ADAMTS3: variants seen among roughly 807,000 people sequenced by gnomAD.
ADAMTS3 encodes the protein A disintegrin and metalloproteinase with thrombospondin motifs 3.
ADAMTS3 carries 73 observed loss-of-function variants against 129.0 expected under a neutral mutation model. The ratio of observed to expected loss-of-function variants is 0.57; its 90% CI spans 0.47 to 0.69. The LOEUF is 0.69. Ranked by LOEUF, ADAMTS3 falls within the 30% of genes least tolerant of loss-of-function variation. The pLI, the probability that ADAMTS3 is intolerant of heterozygous loss-of-function variation, is 0.00. For synonymous variants in ADAMTS3, 477 were observed against 510.8 expected (o/e 0.93, Z 0.89); for missense variants, 1,457 against 1,514.5 (o/e 0.96, Z 0.63).
rs188812259 is a variant in ADAMTS3, at chr4:72,362,915, C to T, written c.662-23222G>A. 3.2e-3 allele frequency among the ~76,000 whole-genome samples: 482 copies of T among 152,154 alleles called. 4 individuals are homozygous for T. Among genetic ancestry groups the T allele is most frequent in the Non-Finnish European group, 5.4e-3 (365 of 67,962 alleles). ...AAGAAGAGGGAGAAAAAAGATACTA[C>T]ACTAAAAATAAGATTAAACCAAACA... On this transcript the variant is annotated intron_variant, in intron 4 of 21. Coordinates refer to ENST00000286657, the MANE Select transcript of ADAMTS3 (RefSeq NM_014243.3).
chr4:72,539,962 A>C lies in ADAMTS3; in HGVS notation c.504+8516T>G, dbSNP rs551357374. On this transcript the variant is annotated intron_variant, in intron 3 of 21. Transcript: ENST00000286657. ...ATCAGCAGCGTGAAAATGGACTAAC[A>C]CAGTAAATTGGTACCAGTAGAATGA... 2.0e-5 allele frequency among the ~76,000 whole-genome samples: 3 copies of C among 152,286 alleles called. No homozygotes were observed. The South Asian group carries it at 6.2e-4, about 32-fold the overall frequency.
chr4:72,392,395 C>T (rs1189002586), intron 4 of ADAMTS3, among the ~76,000 whole-genome samples: 1 of 152,128 alleles, frequency 6.6e-6, no homozygotes, highest in Non-Finnish European at 1.5e-5. Context: ...CCACCCTATC[C>T]CATCACAAAC....
intron 4 of ADAMTS3, among the ~76,000 whole-genome samples, chr4:72,409,409 T>G (rs1419421952): frequency 6.6e-6 from 1 of 152,192 alleles, no homozygotes; most frequent in Non-Finnish European, 1.5e-5. Flanking sequence ...CCCTGATGTA[T>G]GTTTACTGCC....
At chr4:72,404,110 A>T (rs936001869) in intron 4 of ADAMTS3, among the ~76,000 whole-genome samples, 12 of 152,150 alleles carry the variant, frequency 7.9e-5, no homozygotes, top group Admixed American at 7.2e-4. Context: ...TGACCTACAG[A>T]TTCTATGCAA....
chr4:72,362,153 G>A (rs1471502590), intron 4 of ADAMTS3, among the ~76,000 whole-genome samples: 9 of 17,412 alleles, frequency 5.2e-4, no homozygotes, highest in South Asian at 4.5e-3. Context: ...GACAGACTTC[G>A]TCTTTCTACT....
intron 3 of ADAMTS3, among the ~76,000 whole-genome samples, chr4:72,445,642 TG>T (rs1490608059): frequency 3.3e-5 from 5 of 151,832 alleles, no homozygotes; most frequent in East Asian, 2.0e-4. Flanking sequence ...GCTAAACAAA[TG>T]TATATGTACA....
At chr4:72,446,296 C>A (rs929221493) in intron 3 of ADAMTS3, among the ~76,000 whole-genome samples, 3 of 151,588 alleles carry the variant, frequency 2.0e-5, no homozygotes, top group African/African-American at 4.8e-5. Flanking sequence ...GTCAAGTTCC[C>A]CTCAGATCTC....
At chr4:72,476,278 GA>G (rs1171511911) in intron 3 of ADAMTS3, among the ~76,000 whole-genome samples, 3 of 151,878 alleles carry the variant, frequency 2.0e-5, no homozygotes, top group African/African-American at 7.2e-5. Context: ...TATCAGAAAT[GA>G]AATAGATTCA....
chr4:72,396,453 A>T (rs1721727039), intron 4 of ADAMTS3, among the ~76,000 whole-genome samples: 1 of 152,136 alleles, frequency 6.6e-6, no homozygotes, highest in Non-Finnish European at 1.5e-5. Context: ...CAGGAAAAAA[A>T]CTTTCAGAGA....
intron 5 of ADAMTS3, among the ~76,000 whole-genome samples, chr4:72,333,051 A>G (rs536796111): frequency 9.2e-5 from 14 of 152,250 alleles, no homozygotes; most frequent in African/African-American, 3.4e-4. Flanking sequence ...TGGGAACATC[A>G]CCTAACTTCT....
At chr4:72,488,012 G>A (rs1466186538) in intron 3 of ADAMTS3, among the ~76,000 whole-genome samples, 1 of 151,866 alleles carries the variant, frequency 6.6e-6, no homozygotes, top group Non-Finnish European at 1.5e-5. Context: ...CCCAAATATT[G>A]TGCACTTTGG....
chr4:72,395,744 A>G (rs777605776), intron 4 of ADAMTS3, among the ~76,000 whole-genome samples: 2 of 152,204 alleles, frequency 1.3e-5, no homozygotes, highest in Non-Finnish European at 2.9e-5. Flanking sequence ...TTGAAAATTT[A>G]TAGCTCCATG....
intron 4 of ADAMTS3, among the ~76,000 whole-genome samples, chr4:72,395,126 T>C (rs1003232984): frequency 6.6e-6 from 1 of 152,186 alleles, no homozygotes; most frequent in African/African-American, 2.4e-5. Flanking sequence ...GGTTTCACCA[T>C]GTCGATCAGG....
In ADAMTS3 at chr4:72,320,805, G is replaced by C. The variant is rs1578579874; in HGVS notation, c.1011C>G (p.Ser337=). 1.2e-6 allele frequency: 2 copies of C among 1,613,942 alleles called. No individual in the cohort carries two copies. The highest frequency in any genetic ancestry group is 4.5e-5 in the East Asian group (2 of 44,840). ...GGTTGAGATCAGATCTTTGCTGTTG[G>C]GACGCCCAGCGACACACATTCTCCA... is the stretch of plus-strand genomic sequence containing the variant. The part of the protein sequence containing the change: ...RSLENVCRWA[S]QQQRSDLNHS... Residue 337 remains serine, a synonymous_variant, in exon 7 of 22, where the codon TCC becomes TCG. Coordinates refer to ENST00000286657, the MANE Select transcript of ADAMTS3 (RefSeq NM_014243.3).
chr4:72,439,059 C>A (rs1347121073), intron 3 of ADAMTS3, among the ~76,000 whole-genome samples: 2 of 151,646 alleles, frequency 1.3e-5, no homozygotes, highest in African/African-American at 4.8e-5. Flanking sequence ...TATACCCAAG[C>A]ATACTCAAAG....
chr4:72,431,252 C>G (rs565617620), intron 3 of ADAMTS3, among the ~76,000 whole-genome samples: 3 of 152,048 alleles, frequency 2.0e-5, no homozygotes, highest in Admixed American at 2.0e-4. Context: ...TTTTGAAACC[C>G]TGCTATGGGG....
At chr4:72,434,010 A>G (rs1722760714) in intron 3 of ADAMTS3, among the ~76,000 whole-genome samples, 1 of 151,878 alleles carries the variant, frequency 6.6e-6, no homozygotes, top group South Asian at 2.1e-4. Context: ...GTAGCTGACC[A>G]ATAGCTGGTC....
At chr4:72,449,588 A>T (rs548675175) in intron 3 of ADAMTS3, among the ~76,000 whole-genome samples, 1 of 151,754 alleles carries the variant, frequency 6.6e-6, no homozygotes, top group Admixed American at 6.6e-5. Context: ...TCCTAGACAG[A>T]CTCCTGCCCA....
intron 18 of ADAMTS3, among the ~76,000 whole-genome samples, chr4:72,296,792 C>A (rs1718820609): frequency 1.3e-5 from 2 of 151,848 alleles, no homozygotes; most frequent in Non-Finnish European, 2.9e-5. Context: ...TTCAGTTGTC[C>A]CTATCATGTT....
Sources: allele counts gnomAD v4.1 joint callset (sites outside exome capture counted in the v4.1 genomes callset), GRCh38; gene constraint gnomAD v4.1.1; transcripts MANE v1.5; gene names NCBI Gene and HGNC (gene_info 2026-07-23, HGNC 2026-07-21).